The following CMTM7 variants were observed in gnomAD, a reference collection of about 807,000 sequenced individuals.
CMTM7 encodes the protein CKLF like MARVEL transmembrane domain containing 7, also known as CKLF-like MARVEL transmembrane domain-containing protein 7.
In CMTM7, 7 loss-of-function variants were observed where a neutral mutation model predicts 19.3. That is an observed-to-expected ratio of 0.36 (90% CI 0.21 to 0.68). CMTM7 has a LOEUF of 0.68. Ranked by LOEUF, CMTM7 falls within the 30% of genes least tolerant of loss-of-function variation. The pLI, the probability that CMTM7 is intolerant of heterozygous loss-of-function variation, is 0.60. For synonymous variants in CMTM7, 87 were observed against 99.3 expected, an observed-to-expected ratio of 0.88 and a Z score of 0.74; for missense variants, 193 against 232.6, an observed-to-expected ratio of 0.83 and a Z score of 1.11.
intron 1 of CMTM7, among the ~76,000 whole-genome samples, chr3:32,422,654 G>A (rs1029824466): frequency 2.2e-4 from 34 of 152,218 alleles, no homozygotes; most frequent in African/African-American, 7.7e-4. Context: ...GAAAACAGAT[G>A]TATCAGTTAG....
At chr3:32,423,361 A>T (rs1197760014) in intron 1 of CMTM7, among the ~76,000 whole-genome samples, 1 of 152,208 alleles carries the variant, frequency 6.6e-6, no homozygotes, top group African/African-American at 2.4e-5. Flanking sequence ...CAATATGTAG[A>T]TATATTTGCT....
intron 1 of CMTM7, among the ~76,000 whole-genome samples, chr3:32,405,787 G>A (rs1377525630): frequency 1.3e-5 from 2 of 152,152 alleles, no homozygotes; most frequent in Non-Finnish European, 1.5e-5. Context: ...TAAATATCTT[G>A]TAAGTTATAC....
intron 2 of CMTM7, among the ~76,000 whole-genome samples, chr3:32,446,868 G>C (rs1183329019): frequency 6.6e-6 from 1 of 152,166 alleles, no homozygotes; most frequent in Non-Finnish European, 1.5e-5. Flanking sequence ...GCCCTCACCA[G>C]AAGCAGATAC....
rs1230070483 is a variant in CMTM7, at chr3:32,437,554, G to A, written c.160-4286G>A. Among the ~76,000 whole-genome samples the A allele has an allele frequency of 4.6e-5, 7 of 152,186 alleles. No individual in the cohort carries two copies. The South Asian group carries it at 1.0e-3, about 23-fold the overall frequency. On this transcript the variant is annotated intron_variant, in intron 1 of 4. Coordinates refer to ENST00000334983, the MANE Select transcript of CMTM7 (RefSeq NM_138410.4). The stretch of plus-strand genomic sequence containing the variant: ...AGAGGTTGCAGTGAGTGGGGATAGC[G>A]CCACTGCACTCCAGCCTGGGTGACA...
intron 1 of CMTM7, among the ~76,000 whole-genome samples, chr3:32,435,175 G>A (rs986018016): frequency 3.3e-5 from 5 of 152,152 alleles, no homozygotes; most frequent in Admixed American, 6.5e-5. Context: ...AGGCCGAGGC[G>A]GGTGGATCAC....
At chr3:32,414,436 T>G (rs1236252680) in intron 1 of CMTM7, among the ~76,000 whole-genome samples, 2 of 152,198 alleles carry the variant, frequency 1.3e-5, no homozygotes, top group African/African-American at 4.8e-5. Flanking sequence ...AGAGGTGAAG[T>G]ACAAATTACC....
At chr3:32,394,175 C>T (rs534874937) in intron 1 of CMTM7, among the ~76,000 whole-genome samples, 1 of 152,312 alleles carries the variant, frequency 6.6e-6, no homozygotes, top group South Asian at 2.1e-4. Context: ...GGCCTCTTAT[C>T]TAACTCCTCC....
At chr3:32,448,796 A>G (rs1457988834) in intron 2 of CMTM7, among the ~76,000 whole-genome samples, 1 of 151,564 alleles carries the variant, frequency 6.6e-6, no homozygotes, top group Non-Finnish European at 1.5e-5. Context: ...AAAAAAAAAA[A>G]GGCAGGAAGG....
At chr3:32,454,114 C>T (rs58932970) in intron 4 of CMTM7, 127 bp from the exon 5 acceptor site, 1 of 999,776 alleles carries the variant, frequency 1.0e-6, no homozygotes, top group Non-Finnish European at 1.5e-6. Flanking sequence ...AATCTCAGTG[C>T]AAGTCGGCAC....
chr3:32,417,236 C>T (rs1210767013), intron 1 of CMTM7, among the ~76,000 whole-genome samples: 1 of 152,194 alleles, frequency 6.6e-6, no homozygotes, highest in African/African-American at 2.4e-5. Flanking sequence ...TCAATCCTTT[C>T]CCCACCTTGT....
At chr3:32,405,104 A>C (rs1052260793) in intron 1 of CMTM7, among the ~76,000 whole-genome samples, 1 of 152,146 alleles carries the variant, frequency 6.6e-6, no homozygotes, top group African/African-American at 2.4e-5. Context: ...GTTACAAGAA[A>C]CTGAAAGCCA....
chr3:32,446,531 AG>A (rs1406607807), intron 2 of CMTM7, among the ~76,000 whole-genome samples: 10 of 151,486 alleles, frequency 6.6e-5, no homozygotes, highest in Non-Finnish European at 2.9e-5. Context: ...TTCTTGCCTT[AG>A]GTTTAGTTTG....
At chr3:32,423,480 T>A (rs1261507305) in intron 1 of CMTM7, among the ~76,000 whole-genome samples, 1 of 152,176 alleles carries the variant, frequency 6.6e-6, no homozygotes, top group Non-Finnish European at 1.5e-5. Context: ...AAGTTGTGTG[T>A]CTTCCTACTG....
At chr3:32,417,433 C>T (rs1696283991) in intron 1 of CMTM7, among the ~76,000 whole-genome samples, 1 of 152,214 alleles carries the variant, frequency 6.6e-6, no homozygotes, top group South Asian at 2.1e-4. Flanking sequence ...AGTAGTGTTC[C>T]ATGATATGGA....
chr3:32,391,901 C>T lies in CMTM7; in HGVS notation c.-6C>T. On this transcript the variant is annotated 5_prime_UTR_variant, in exon 1 of 5. Coordinates refer to ENST00000334983, the MANE Select transcript of CMTM7 (RefSeq NM_138410.4). Reference sequence around the variant, plus strand: ...GGGGAGGCGGCCAGCGAGCTGGGGCCGCGCAATGTCGCACGGAGCCGGGCT... The same window carrying T: ...GGGGAGGCGGCCAGCGAGCTGGGGCTGCGCAATGTCGCACGGAGCCGGGCT... The T allele has an allele frequency of 1.6e-6, 2 of 1,219,090 alleles. No homozygotes were observed. Among genetic ancestry groups the T allele is most frequent in the South Asian group, 4.1e-5 (1 of 24,234 alleles). 75.5% of individuals were successfully genotyped at this position (1,219,090 alleles called of 1,614,324 possible). A position where few individuals can be genotyped will look rare whatever the true frequency, so the allele number is the denominator to read the frequency against.
At chr3:32,431,229 G>A (rs764089959) in intron 1 of CMTM7, among the ~76,000 whole-genome samples, 23 of 152,196 alleles carry the variant, frequency 1.5e-4, no homozygotes, top group Non-Finnish European at 3.4e-4. Flanking sequence ...TTTTTGAAAA[G>A]AGGAAATAGT....
At chr3:32,392,195 C>G (rs1405818274) in intron 1 of CMTM7, 130 bp downstream of exon 1, 1 of 735,280 alleles carries the variant, frequency 1.4e-6, no homozygotes, top group Admixed American at 4.4e-5. Context: ...GGCGGGGCAC[C>G]GCGTCGCTAA....
chr3:32,437,558 C>T (rs565627237), intron 1 of CMTM7, among the ~76,000 whole-genome samples: 79 of 152,284 alleles, frequency 5.2e-4, no homozygotes, highest in African/African-American at 1.7e-3. Context: ...GATAGCGCCA[C>T]TGCACTCCAG....
At chr3:32,438,505 TATGCTGGCTAAG>T in intron 1 of CMTM7, among the ~76,000 whole-genome samples, 1 of 152,102 alleles carries the variant, frequency 6.6e-6, no homozygotes, top group East Asian at 1.9e-4. Context: ...TTTAACTTAA[TATGCTGGCTAAG>T]ATGCTGGCTA....
Sources: gnomAD v4.1 joint callset for allele counts (sites outside exome capture counted in the v4.1 genomes callset) on GRCh38, gnomAD v4.1.1 for gene constraint, MANE v1.5 for transcripts, NCBI Gene and HGNC (gene_info 2026-07-23, HGNC 2026-07-21) for gene names.